The following WDR72 variants were observed in gnomAD, a reference collection of about 807,000 sequenced individuals.
WDR72 encodes WD repeat-containing protein 72.
In WDR72, 120 loss-of-function variants were observed where a neutral mutation model predicts 124.2. That is an observed-to-expected ratio of 0.97 (90% CI 0.83 to 1.12). The LOEUF (loss-of-function observed/expected upper bound fraction) is 1.12, where lower values mean the gene tolerates loss of function less well. Ranked by LOEUF, WDR72 falls within the 50% of genes most tolerant of loss-of-function variation. The pLI is 0.00. For missense variants in WDR72, 1,387 were observed against 1,278.8 expected (o/e 1.08, Z -1.29); for synonymous variants, 452 against 441.7 (o/e 1.02, Z -0.29).
At chr15:53,753,907 G>A (rs1208748048) in intron 1 of WDR72, among the ~76,000 whole-genome samples, 3 of 152,012 alleles carry the variant, frequency 2.0e-5, no homozygotes, top group Non-Finnish European at 4.4e-5. Flanking sequence ...CCCTGGCTAC[G>A]ACTACATCCC....
chr15:53,753,552 T>C (rs778655316), intron 1 of WDR72, among the ~76,000 whole-genome samples: 25 of 152,228 alleles, frequency 1.6e-4, no homozygotes, highest in Admixed American at 5.9e-4. Context: ...CCATAGCCTT[T>C]GTAGCTTTTG....
rs1274912110 is a variant in WDR72 at position 53,715,268 on chromosome 15, C to A, written c.439G>T (p.Val147Phe). Residue 147 changes from valine (V) to phenylalanine (F), a missense_variant, in exon 5 of 20, where the codon GTT becomes TTT. Transcript: ENST00000360509. ...AACTGAGATGATCTAAAACTGTGAA[C>A]AACAGCCAAAGTTTTGGCATCAATT... ...LIIDAKTLAV[V>F]HSFRSSQFPD... 1.2e-6 allele frequency: 2 copies of A among 1,614,092 alleles called. No homozygotes were observed. Among genetic ancestry groups the A allele is most frequent in the East Asian group, 4.5e-5 (2 of 44,858 alleles).
At chr15:53,518,178 T>C (rs1385428421) in intron 19 of WDR72, among the ~76,000 whole-genome samples, 1 of 152,052 alleles carries the variant, frequency 6.6e-6, no homozygotes, top group Admixed American at 6.6e-5. Context: ...ATTTATTAGT[T>C]GAAATACTGT....
chr15:53,727,141 A>G (rs1298006435), intron 2 of WDR72, among the ~76,000 whole-genome samples: 1 of 148,756 alleles, frequency 6.7e-6, no homozygotes, highest in Non-Finnish European at 1.5e-5. Context: ...GTGAAACCCC[A>G]TGTCTATTAA....
chr15:53,690,728 C>T (rs569795430), intron 13 of WDR72, among the ~76,000 whole-genome samples: 1 of 152,234 alleles, frequency 6.6e-6, no homozygotes, highest in South Asian at 2.1e-4. Context: ...TAGGTTGTTT[C>T]TGTACTTTGG....
intron 18 of WDR72, among the ~76,000 whole-genome samples, chr15:53,567,150 A>C (rs1894330069): frequency 6.6e-6 from 1 of 152,004 alleles, no homozygotes; most frequent in Non-Finnish European, 1.5e-5. Flanking sequence ...AGGGCTACGC[A>C]AAGGTTTATG....
intron 1 of WDR72, among the ~76,000 whole-genome samples, chr15:53,748,948 G>A (rs1193928374): frequency 6.6e-6 from 1 of 152,142 alleles, no homozygotes; most frequent in Non-Finnish European, 1.5e-5. Context: ...TTCTAGGGAT[G>A]TAGACAAGAA....
intron 14 of WDR72, among the ~76,000 whole-genome samples, chr15:53,636,412 C>A (rs1387517049): frequency 6.6e-6 from 1 of 151,940 alleles, no homozygotes; most frequent in Non-Finnish European, 1.5e-5. Context: ...AAAATGAATA[C>A]CCAAACTACA....
rs941094850 is a variant in WDR72 at position 53,517,759 on chromosome 15, G to A, written c.3254-5C>T. 6.2e-7 allele frequency: 1 copy of A among 1,611,296 alleles called. No individual in the cohort carries two copies. The highest frequency in any genetic ancestry group is 1.7e-5 in the Admixed American group (1 of 59,858). On this transcript the variant is annotated splice_region_variant and splice_polypyrimidine_tract_variant and intron_variant, in intron 19 of 19. Coordinates refer to ENST00000360509, the MANE Select transcript of WDR72 (RefSeq NM_182758.4). ...ATGAATGATGCCTTGGCTCACCTAG[G>A]AAAAAAGCAGATATCTTGGGTTATA...
In WDR72 at chr15:53,663,311, T is replaced by C. The variant is rs1208466961; in HGVS notation, c.1962+2261A>G. Reference sequence around the variant, plus strand: ...TAGGACAAAGAAGGTGATAGTCCTGTCCAATTCAGTTTATGTCCGAATGTA... The same window carrying C: ...TAGGACAAAGAAGGTGATAGTCCTGCCCAATTCAGTTTATGTCCGAATGTA... On this transcript the variant is annotated intron_variant, in intron 14 of 19. Coordinates refer to ENST00000360509, the MANE Select transcript of WDR72 (RefSeq NM_182758.4). Among the ~76,000 whole-genome samples the C allele has an allele frequency of 9.2e-5, 14 of 152,042 alleles. No homozygotes were observed. In the South Asian group the frequency reaches 2.3e-3, roughly 25 times the overall value.
chr15:53,595,730 A>C (rs1215717205), intron 18 of WDR72, among the ~76,000 whole-genome samples: 1 of 152,156 alleles, frequency 6.6e-6, no homozygotes, highest in Non-Finnish European at 1.5e-5. Flanking sequence ...ACTCAAAATT[A>C]ATTAAAAAGC....
intron 18 of WDR72, among the ~76,000 whole-genome samples, chr15:53,568,171 A>T (rs1894371359): frequency 6.6e-6 from 1 of 151,366 alleles, no homozygotes; most frequent in Non-Finnish European, 1.5e-5. Flanking sequence ...AAAAAATTAC[A>T]TCAAATACAA....
chr15:53,705,420 G>A (rs989117991), intron 10 of WDR72, among the ~76,000 whole-genome samples, 187 bp from the exon 11 acceptor site: 7 of 151,940 alleles, frequency 4.6e-5, no homozygotes, highest in African/African-American at 1.7e-4. Context: ...GGTTATATTA[G>A]TATATAAGAT....
intron 1 of WDR72, among the ~76,000 whole-genome samples, chr15:53,733,820 T>A (rs2018274313): frequency 6.6e-6 from 1 of 152,212 alleles, no homozygotes; most frequent in Non-Finnish European, 1.5e-5. Context: ...TCAAAAAATG[T>A]TATCTATGAC....
Position 53,705,225 on chromosome 15 carries a change from C to G in WDR72, c.1111G>C (p.Val371Leu). 1 of 1,613,130 alleles carries G rather than the reference C, an allele frequency of 6.2e-7. No homozygotes were observed. The highest frequency in any genetic ancestry group is 8.5e-7 in the Non-Finnish European group (1 of 1,179,998). ...TCTTGAAGAGTCCAGGTGGCAGTTACTGGTATCTCTAAAAAGAAAACAGAC... is the reference window on the plus strand; with the variant it reads ...TCTTGAAGAGTCCAGGTGGCAGTTAGTGGTATCTCTAAAAAGAAAACAGAC... ...KFDGSPREIP[V>L]TATWTLQDNF... is the part of the protein sequence containing the mutation. The change falls in exon 11 of 20, where the codon GTA becomes CTA. Residue 371 changes from valine to leucine, a missense_variant. Transcript: ENST00000360509.
At chr15:53,572,716 T>C (rs79745547) in intron 18 of WDR72, among the ~76,000 whole-genome samples, 1,605 of 152,268 alleles carry the variant, frequency 0.011, 34 homozygotes, top group African/African-American at 0.037. Context: ...GCCTGGGAAA[T>C]GGCGAGAATT....
intron 18 of WDR72, among the ~76,000 whole-genome samples, chr15:53,545,205 G>T (rs976677177): frequency 6.6e-6 from 1 of 151,278 alleles, no homozygotes; most frequent in African/African-American, 2.4e-5. Context: ...GCATCGCCAC[G>T]GGAATCCTAA....
chr15:53,582,375 G>A (rs924657769), intron 18 of WDR72, among the ~76,000 whole-genome samples: 1 of 151,860 alleles, frequency 6.6e-6, no homozygotes, highest in African/African-American at 2.4e-5. Flanking sequence ...GCTTTCTTAA[G>A]CTATATCATG....
At chr15:53,694,846 A>G (rs187459372) in intron 13 of WDR72, among the ~76,000 whole-genome samples, 19 of 152,250 alleles carry the variant, frequency 1.2e-4, no homozygotes, top group South Asian at 4.1e-4. Flanking sequence ...TATGAAATCA[A>G]TGTATTTAAA....
Sources: gnomAD v4.1 joint callset for allele counts (sites outside exome capture counted in the v4.1 genomes callset) on GRCh38, gnomAD v4.1.1 for gene constraint, MANE v1.5 for transcripts, NCBI Gene and HGNC (gene_info 2026-07-23, HGNC 2026-07-21) for gene names.